Variants in DNM1 observed in about 807,000 individuals in gnomAD.
The protein encoded by DNM1 is dynamin 1.
A neutral mutation model predicts 104.6 loss-of-function variants in DNM1; 29 were observed. That is an observed-to-expected ratio of 0.28 (90% CI 0.21 to 0.38). The LOEUF is 0.38. Ranked by LOEUF, DNM1 falls within the 10% of genes least tolerant of loss-of-function variation. The probability of loss-of-function intolerance (pLI) is 1.00; values close to 1 mark genes in which losing one functional copy is unlikely to be tolerated. For synonymous variants in DNM1, 445 were observed against 475.8 expected (o/e 0.94, Z 0.84); for missense variants, 640 against 1,189.4 (o/e 0.54, Z 6.79).
Position 128,253,127 on chromosome 9 carries a change from C to A in DNM1, c.2535-1527C>A. 1.2e-6 allele frequency: 2 copies of A among 1,607,612 alleles called. No individual in the cohort carries two copies. Among genetic ancestry groups the A allele is most frequent in the South Asian group, 2.2e-5 (2 of 91,044 alleles). On this transcript the variant is annotated intron_variant, in intron 21 of 21. Transcript: ENST00000372923. This position sits in a 1 kb window ranked among gnomAD's most constrained non-coding sequence, Gnocchi z 5.9. ...ATCACTATCAGTGACCCCTGAGGAG[C>A]GTCAGCCATGGTAGGTACATGCCTC...
rs1834727270 is a variant in DNM1, at chr9:128,218,172, CT to C, written c.162-58del. 6.4e-7 allele frequency: 1 copy of C among 1,554,372 alleles called. No individual in the cohort carries two copies. Among genetic ancestry groups the C allele is most frequent in the Non-Finnish European group, 8.9e-7 (1 of 1,125,566 alleles). On this transcript the variant is annotated intron_variant, in intron 1 of 21. Transcript: ENST00000372923. The surrounding 1 kb of genome is among the most constrained non-coding windows in gnomAD (Gnocchi z 4.8). ...TTTCCCAGGGGCCGGACAGGTACCC[CT>C]GGGACAGAGGGCGCCCCCTCATATC...
chr9:128,250,675 G>A, intron 20 of DNM1, 50 bp from the exon 21 acceptor site: 1 of 1,386,400 alleles, frequency 7.2e-7, no homozygotes, highest in Non-Finnish European at 9.4e-7. Context: ...CTGGGTGGGC[G>A]GAGCTGCTCA....
rs1318922555 is a variant in DNM1 at position 128,239,483 on chromosome 9, C to T, written c.1461C>T (p.Asn487=). ...LLIDIELAYM[N]TNHEDFIGFA... ...TCGATATCGAGCTGGCTTACATGAA[C>T]ACCAACCATGAGGACTTCATAGGCT... Residue 487 remains asparagine, a synonymous_variant, in exon 12 of 22, where the codon AAC becomes AAT. Coordinates refer to ENST00000372923, the MANE Select transcript of DNM1 (RefSeq NM_004408.4). 1.9e-6 allele frequency: 3 copies of T among 1,614,008 alleles called. No individual in the cohort carries two copies. Among genetic ancestry groups the T allele is most frequent in the South Asian group, 2.2e-5 (2 of 91,082 alleles).
intron 3 of DNM1, 23 bp from the exon 4 acceptor site, chr9:128,219,026 C>T (rs1386207188): frequency 6.2e-7 from 1 of 1,612,210 alleles, no homozygotes; most frequent in African/African-American, 1.3e-5. Context: ...GCCTTGAGCC[C>T]GCCCTCTCGC....
chr9:128,211,950 C>T (rs1384216668), intron 1 of DNM1, among the ~76,000 whole-genome samples: 1 of 152,202 alleles, frequency 6.6e-6, no homozygotes, highest in Non-Finnish European at 1.5e-5. Context: ...ATTCTTTAAT[C>T]ACTCTGTCTC....
At position 128,220,381 on chromosome 9, in the gene DNM1, A is replaced by G. The variant is rs777706602; in HGVS notation, c.849+40A>G. On this transcript the variant is annotated intron_variant, in intron 6 of 21. Coordinates refer to ENST00000372923, the MANE Select transcript of DNM1 (RefSeq NM_004408.4). The surrounding 1 kb of genome is among the most constrained non-coding windows in gnomAD (Gnocchi z 5.2). ...CAGGATGGGGCCTGGGGAAACAAGCATGAAAACAGGATAAATTAAGTGTGT... is the reference window on the plus strand; with the variant it reads ...CAGGATGGGGCCTGGGGAAACAAGCGTGAAAACAGGATAAATTAAGTGTGT... 8.7e-6 allele frequency: 14 copies of G among 1,605,904 alleles called. No homozygotes were observed. In the Admixed American group the frequency reaches 1.3e-4, roughly 15 times the overall value.
chr9:128,216,454 C>A (rs1024163527), intron 1 of DNM1, among the ~76,000 whole-genome samples: 3 of 152,180 alleles, frequency 2.0e-5, no homozygotes, highest in African/African-American at 7.2e-5. Flanking sequence ...TTATTGAGTG[C>A]CCCTTGTGTG....
At chr9:128,217,879 T>C (rs1834708781) in intron 1 of DNM1, among the ~76,000 whole-genome samples, 3 of 152,120 alleles carry the variant, frequency 2.0e-5, no homozygotes, top group Admixed American at 6.5e-5. Context: ...ATTGGACACA[T>C]AGGCATGTGG....
chr9:128,228,997 GAAAGAA>G (rs1228990562), intron 10 of DNM1, among the ~76,000 whole-genome samples: 41 of 87,478 alleles, frequency 4.7e-4, no homozygotes, highest in Admixed American at 2.5e-3. Flanking sequence ...AAAAAAGAAA[GAAAGAA>G]AAAGAAAAAG....
chr9:128,250,479 A>T (rs890066221), intron 20 of DNM1, 123 bp downstream of exon 20: 6 of 1,152,570 alleles, frequency 5.2e-6, no homozygotes, highest in Non-Finnish European at 4.7e-6. Context: ...CGAGGGGCGG[A>T]GCTTAGAGAG....
chr9:128,248,895 T>C lies in DNM1; in HGVS notation c.2076+142T>C, dbSNP rs62587117. The C allele has an allele frequency of 0.068, 61,948 of 909,594 alleles. 3,092 individuals are homozygous for C. The highest frequency in any genetic ancestry group is 0.18 in the Admixed American group (7,165 of 39,566). The allele number at this position is 909,594 out of a possible 1,614,324, so 56.3% of individuals were successfully genotyped here. The stretch of plus-strand genomic sequence containing the variant: ...CACGGTCCAGACCAGAGCTGTCCAA[T>C]AGAAATATCATGAGGGGCTGGGCGC... On this transcript the variant is annotated intron_variant, in intron 19 of 21. Transcript: ENST00000372923. This position sits in a 1 kb window ranked among gnomAD's most constrained non-coding sequence, Gnocchi z 5.6.
Position 128,222,300 on chromosome 9 carries a change from G to T in DNM1, c.953G>T (p.Arg318Leu), listed in dbSNP as rs376056729. The T allele has an allele frequency of 1.2e-6, 2 of 1,613,942 alleles. No homozygotes were observed. Among genetic ancestry groups the T allele is most frequent in the African/African-American group, 1.3e-5 (1 of 74,900 alleles). ...GAGGTGGAGGAATACAAGAACTTCC[G>T]CCCTGATGACCCAGCTCGCAAGACC... ...EKEVEEYKNF[R>L]PDDPARKTKA... Residue 318 changes from arginine (R) to leucine (L), a missense_variant, in exon 7 of 22, where the codon CGC becomes CTC. Physicochemically the swap from Arg to Leu is moderately radical, Grantham distance 102. Around this residue, in one of 7 missense-constraint regions of DNM1, gnomAD observed 81 missense variants for 99.8 expected, o/e 0.81. Coordinates refer to ENST00000372923, the MANE Select transcript of DNM1 (RefSeq NM_004408.4). This position sits in a 1 kb window ranked among gnomAD's most constrained non-coding sequence, Gnocchi z 7.8.
chr9:128,221,667 G>T (rs530171056), intron 6 of DNM1, among the ~76,000 whole-genome samples: 1 of 152,064 alleles, frequency 6.6e-6, no homozygotes, highest in Non-Finnish European at 1.5e-5. Flanking sequence ...AGGCTGAGGC[G>T]GGTGGATCAC....
chr9:128,206,159 C>T (rs1588309404), intron 1 of DNM1, among the ~76,000 whole-genome samples: 1 of 152,088 alleles, frequency 6.6e-6, no homozygotes, highest in African/African-American at 2.4e-5. Context: ...TAGTAACAGC[C>T]ATTCTGTCTC....
At chr9:128,204,246 G>T (rs1833735923) in intron 1 of DNM1, 1 of 152,502 alleles carries the variant, frequency 6.6e-6, no homozygotes, top group Non-Finnish European at 1.5e-5. Flanking sequence ...CGGGCTGCAG[G>T]ATGAGGAAGG....
intron 12 of DNM1, 47 bp downstream of exon 12, chr9:128,239,562 G>A (rs1280230846): frequency 2.3e-6 from 3 of 1,314,254 alleles, no homozygotes; most frequent in Admixed American, 3.4e-5. Flanking sequence ...GGGCAGAGAA[G>A]GTAACGTGTG....
chr9:128,225,061 G>C (rs774707097), intron 10 of DNM1, among the ~76,000 whole-genome samples: 1 of 152,150 alleles, frequency 6.6e-6, no homozygotes, highest in Non-Finnish European at 1.5e-5. Flanking sequence ...CAGGGAGGAC[G>C]GTGCCCATTT....
At position 128,254,613 on chromosome 9, in the gene DNM1, T is replaced by C. The variant is rs1367562416; in HGVS notation, c.2535-41T>C. 1 of 1,594,144 alleles carries C rather than the reference T, an allele frequency of 6.3e-7. No homozygotes were observed. The highest frequency in any genetic ancestry group is 2.2e-5 in the East Asian group (1 of 44,722). ...TTGCCTTACCAGCTCTCTCCTCGCT[T>C]TTCTCTCCCGTTTTCTCTCTGCTTT... On this transcript the variant is annotated intron_variant, in intron 21 of 21. Coordinates refer to ENST00000372923, the MANE Select transcript of DNM1 (RefSeq NM_004408.4). The surrounding 1 kb of genome is among the most constrained non-coding windows in gnomAD (Gnocchi z 6.1).
Position 128,254,393 on chromosome 9 carries a change from C to A in DNM1, c.2535-261C>A. ...CCTGCCTGGGTGCCGTGTGAGAGGC[C>A]AGCGTGTGTGGGGTGGGGAGGGCCG... is the stretch of plus-strand genomic sequence containing the variant. On this transcript the variant is annotated intron_variant, in intron 21 of 21. Transcript: ENST00000372923. This position sits in a 1 kb window ranked among gnomAD's most constrained non-coding sequence, Gnocchi z 6.1. 3 of 1,416,654 alleles carry A rather than the reference C, an allele frequency of 2.1e-6. No homozygotes were observed. Among genetic ancestry groups the A allele is most frequent in the Non-Finnish European group, 2.7e-6 (3 of 1,093,194 alleles). 87.8% of individuals were successfully genotyped at this position (1,416,654 alleles called of 1,614,324 possible). A position where few individuals can be genotyped will look rare whatever the true frequency, so the allele number is the denominator to read the frequency against.
Sources: gnomAD v4.1 joint callset for allele counts (sites outside exome capture counted in the v4.1 genomes callset) on GRCh38, gnomAD v4.1.1 for gene constraint, gnomAD v4.1.1 regional missense constraint, Gnocchi (gnomAD v3.1) non-coding constraint, MANE v1.5 for transcripts, NCBI Gene and HGNC (gene_info 2026-07-23, HGNC 2026-07-21) for gene names.